The following ZFAND3 variants were observed in gnomAD, a reference collection of about 807,000 sequenced individuals.
The protein encoded by ZFAND3 is zinc finger AN1-type containing 3.
A neutral mutation model predicts 29.6 loss-of-function variants in ZFAND3; 10 were observed. The ratio of observed to expected loss-of-function variants is 0.34; its 90% CI spans 0.21 to 0.57. The LOEUF is 0.57. Among genes scored for constraint, ZFAND3 ranks in the 20% least tolerant of loss-of-function variants. The pLI, the probability that ZFAND3 is intolerant of heterozygous loss-of-function variation, is 0.86. For synonymous variants in ZFAND3, 128 were observed against 112.6 expected, an observed-to-expected ratio of 1.14 and a Z score of -0.87; for missense variants, 230 against 304.5, an observed-to-expected ratio of 0.76 and a Z score of 1.82.
At chr6:38,137,683 G>T (rs984443399) in intron 5 of ZFAND3, among the ~76,000 whole-genome samples, 1 of 152,158 alleles carries the variant, frequency 6.6e-6, no homozygotes, top group South Asian at 2.1e-4. Context: ...GGGAAAGGGG[G>T]AGCTGCAAAT....
chr6:38,031,096 T>C (rs1763550760), intron 2 of ZFAND3, among the ~76,000 whole-genome samples: 3 of 152,186 alleles, frequency 2.0e-5, no homozygotes, highest in Admixed American at 6.5e-5. Context: ...TAAGGTTACG[T>C]AGCCAAGATA....
intron 1 of ZFAND3, among the ~76,000 whole-genome samples, chr6:37,831,575 G>A (rs1322472196): frequency 1.3e-5 from 2 of 152,212 alleles, no homozygotes; most frequent in African/African-American, 4.8e-5. Context: ...TGAGTATTGT[G>A]AGAACTCTAA....
chr6:37,975,479 T>G (rs1762462394), intron 2 of ZFAND3, among the ~76,000 whole-genome samples: 1 of 152,192 alleles, frequency 6.6e-6, no homozygotes, highest in African/African-American at 2.4e-5. Flanking sequence ...AAGTTCAGTT[T>G]ATCCATTTGT....
At chr6:38,126,434 A>G (rs981500588) in intron 5 of ZFAND3, among the ~76,000 whole-genome samples, 4 of 152,258 alleles carry the variant, frequency 2.6e-5, no homozygotes, top group African/African-American at 9.6e-5. Flanking sequence ...TTGCCAGGTT[A>G]AATGGTAAGT....
At chr6:38,019,388 C>T (rs759376599) in intron 2 of ZFAND3, among the ~76,000 whole-genome samples, 1 of 152,072 alleles carries the variant, frequency 6.6e-6, no homozygotes, top group Non-Finnish European at 1.5e-5. Context: ...TCCATTTTTT[C>T]TATTAGACTT....
At chr6:38,134,634 G>A (rs560024802) in intron 5 of ZFAND3, among the ~76,000 whole-genome samples, 1 of 152,248 alleles carries the variant, frequency 6.6e-6, no homozygotes, top group South Asian at 2.1e-4. Context: ...GATTTCTATA[G>A]CACCTTTACT....
chr6:38,118,920 G>A (rs1765473551), intron 5 of ZFAND3, among the ~76,000 whole-genome samples: 1 of 152,178 alleles, frequency 6.6e-6, no homozygotes, highest in African/African-American at 2.4e-5. Context: ...GTTTGCTTCA[G>A]TATGCATCCT....
chr6:37,820,047 C>T (rs1260761152), intron 1 of ZFAND3, 31 bp downstream of exon 1: 1 of 417,586 alleles, frequency 2.4e-6, no homozygotes, highest in Non-Finnish European at 3.6e-6. Flanking sequence ...GGGCGGGGGG[C>T]GGGGGCCGGG....
rs181316737 is a variant in ZFAND3, at chr6:38,118,567, G to A, written c.529+1828G>A. On this transcript the variant is annotated intron_variant, in intron 5 of 5. Transcript: ENST00000287218. ...GGTATTACACAGGATTTGCCATAGC[G>A]GATCAAGCAATTGGTCTATCAAGTA... Among the ~76,000 whole-genome samples, 17 of 150,706 alleles carry A rather than the reference G, an allele frequency of 1.1e-4. No homozygotes were observed. In the East Asian group the frequency reaches 1.6e-3, roughly 14 times the overall value.
At chr6:38,137,701 G>T (rs915663142) in intron 5 of ZFAND3, among the ~76,000 whole-genome samples, 5 of 152,108 alleles carry the variant, frequency 3.3e-5, no homozygotes, top group Admixed American at 2.0e-4. Flanking sequence ...AATAGGGAAG[G>T]GGGAGGCCAG....
chr6:38,108,199 A>C (rs1765245201), intron 4 of ZFAND3, among the ~76,000 whole-genome samples: 1 of 152,172 alleles, frequency 6.6e-6, no homozygotes, highest in South Asian at 2.1e-4. Flanking sequence ...TTCCAGGATG[A>C]AGTATTTTGA....
At chr6:37,922,949 T>A (rs1332538665) in intron 1 of ZFAND3, among the ~76,000 whole-genome samples, 5 of 152,264 alleles carry the variant, frequency 3.3e-5, no homozygotes, top group Admixed American at 1.3e-4. Context: ...AGTTTATTTT[T>A]AAAATTTTCT....
chr6:37,887,510 G>C (rs1212258587), intron 1 of ZFAND3, among the ~76,000 whole-genome samples: 1 of 152,138 alleles, frequency 6.6e-6, no homozygotes, highest in East Asian at 1.9e-4. Context: ...AAATTAACTT[G>C]TGATAAAAAG....
Position 38,154,243 on chromosome 6 carries a change from G to C in ZFAND3, c.*1854G>C. ...AGCTCTGGTCCCGAAGAGGCTGTGC[G>C]AGCCCTTCCCGGCCCTCCCCAGGGC... is the stretch of plus-strand genomic sequence containing the variant. On this transcript the variant is annotated 3_prime_UTR_variant, in exon 6 of 6. Coordinates refer to ENST00000287218, the MANE Select transcript of ZFAND3 (RefSeq NM_021943.3). The C allele has an allele frequency of 1.0e-6, 1 of 985,550 alleles. No homozygotes were observed. Among genetic ancestry groups the C allele is most frequent in the Non-Finnish European group, 1.2e-6 (1 of 830,018 alleles). The allele number at this position is 985,550 out of a possible 1,614,324, so 61.1% of individuals were successfully genotyped here.
intron 1 of ZFAND3, among the ~76,000 whole-genome samples, chr6:37,841,547 G>A (rs1280909790): frequency 6.6e-6 from 1 of 152,056 alleles, no homozygotes; most frequent in African/African-American, 2.4e-5. Flanking sequence ...GCGGTGGCGC[G>A]AACTTGGCTC....
intron 1 of ZFAND3, among the ~76,000 whole-genome samples, chr6:37,883,693 C>T (rs1425302674): frequency 6.9e-6 from 1 of 144,588 alleles, no homozygotes; most frequent in Non-Finnish European, 1.5e-5. Context: ...AGGTGCCCGC[C>T]ACCATGCCTG....
At chr6:37,926,171 G>A (rs1761480303) in intron 1 of ZFAND3, among the ~76,000 whole-genome samples, 1 of 152,210 alleles carries the variant, frequency 6.6e-6, no homozygotes, top group Non-Finnish European at 1.5e-5. Context: ...GATGGATCTA[G>A]CTGAATGCTA....
In ZFAND3 at chr6:37,984,476, G is replaced by A. The variant is rs1000895407; in HGVS notation, c.112+54477G>A. Among the ~76,000 whole-genome samples, 15 of 152,320 alleles carry A rather than the reference G, an allele frequency of 9.8e-5. No homozygotes were observed. In the East Asian group the frequency reaches 2.1e-3, roughly 22 times the overall value. On this transcript the variant is annotated intron_variant, in intron 2 of 5. Transcript: ENST00000287218. ...TTTCACATTCCCTCAGGTGGTACTA[G>A]AAAGCAAACTAAAAATTTGAACAAC...
At chr6:37,999,575 T>C (rs918821808) in intron 2 of ZFAND3, among the ~76,000 whole-genome samples, 2 of 152,228 alleles carry the variant, frequency 1.3e-5, no homozygotes, top group African/African-American at 4.8e-5. Flanking sequence ...GCCTCTGTGA[T>C]CTTCCTCCAA....
Sources: gnomAD v4.1 joint callset for allele counts (sites outside exome capture counted in the v4.1 genomes callset) on GRCh38, gnomAD v4.1.1 for gene constraint, MANE v1.5 for transcripts, NCBI Gene and HGNC (gene_info 2026-07-23, HGNC 2026-07-21) for gene names.